Variants in CLPS observed in about 807,000 individuals in gnomAD.
CLPS encodes colipase, pancreatic.
A neutral mutation model predicts 9.3 loss-of-function variants in CLPS; 8 were observed. That is an observed-to-expected ratio of 0.86 (90% CI 0.51 to 1.56). CLPS has a LOEUF of 1.56. Among genes scored for constraint, CLPS ranks in the 40% most tolerant of loss-of-function variants. CLPS has a pLI of 0.00. For synonymous variants in CLPS, 61 were observed against 56.2 expected (o/e 1.09, Z -0.39); for missense variants, 144 against 145.7 (o/e 0.99, Z 0.06).
chr6:35,795,037 T>C lies in CLPS; in HGVS notation c.*109A>G. On this transcript the variant is annotated 3_prime_UTR_variant, in exon 3 of 3. Transcript: ENST00000259938. The stretch of plus-strand genomic sequence containing the variant: ...GAGCGCAATCAGAAAACAGATATGC[T>C]GGTCAAGGAGGTGGCCAGCCCGGGA... The C allele has an allele frequency of 7.0e-7, 1 of 1,437,978 alleles. No homozygotes were observed. The highest frequency in any genetic ancestry group is 1.4e-5 in the South Asian group (1 of 72,542). 89.1% of individuals were successfully genotyped at this position (1,437,978 alleles called of 1,614,324 possible).
At chr6:35,795,684 C>T (rs1768341730) in intron 2 of CLPS, 47 bp downstream of exon 2, 2 of 1,603,988 alleles carry the variant, frequency 1.2e-6, no homozygotes, top group Non-Finnish European at 1.7e-6. Context: ...TGTTCAGGGC[C>T]CTACTCCCCA....
intron 1 of CLPS, 66 bp from the exon 2 acceptor site, chr6:35,795,919 C>A (rs1479000433): frequency 6.3e-7 from 1 of 1,594,744 alleles, no homozygotes; most frequent in Admixed American, 1.7e-5. Context: ...CAGACCTGTA[C>A]CCACCACACA....
chr6:35,797,181 C>G (rs781156085), intron 1 of CLPS, 24 bp downstream of exon 1: 1 of 1,599,776 alleles, frequency 6.3e-7, no homozygotes, highest in African/African-American at 1.3e-5. Flanking sequence ...ACTCAGGAGG[C>G]GCCTCCCCTG....
chr6:35,795,959 G>T (rs1451696682), intron 1 of CLPS, 106 bp from the exon 2 acceptor site: 1 of 1,543,170 alleles, frequency 6.5e-7, no homozygotes, highest in Non-Finnish European at 8.8e-7. Context: ...CCCTGGTAGG[G>T]ATGTGTGTGA....
At chr6:35,797,091 T>C (rs1165145955) in intron 1 of CLPS, 114 bp downstream of exon 1, 1 of 956,248 alleles carries the variant, frequency 1.0e-6, no homozygotes, top group Admixed American at 2.1e-5. Flanking sequence ...GGATGCAAGA[T>C]GCCACTCCTC....
At chr6:35,795,450 T>G (rs1396648376) in intron 2 of CLPS, among the ~76,000 whole-genome samples, 173 bp from the exon 3 acceptor site, 1 of 152,220 alleles carries the variant, frequency 6.6e-6, no homozygotes, top group Non-Finnish European at 1.5e-5. Context: ...TGACCTCTGC[T>G]CTGGCTCATT....
chr6:35,795,985 G>A, intron 1 of CLPS, 132 bp from the exon 2 acceptor site: 3 of 1,425,352 alleles, frequency 2.1e-6, no homozygotes, highest in Middle Eastern at 1.8e-4. Context: ...TCCATCCCCT[G>A]GGTCTGGTGG....
chr6:35,795,653 C>A (rs1444572680), intron 2 of CLPS, 78 bp downstream of exon 2: 36 of 1,579,188 alleles, frequency 2.3e-5, no homozygotes, highest in African/African-American at 4.0e-5. Context: ...GCTGACCCCC[C>A]TCCCTGATCC....
chr6:35,795,063 G>A lies in CLPS; in HGVS notation c.*83C>T, dbSNP rs1165432233. 20 of 1,542,462 alleles carry A rather than the reference G, an allele frequency of 1.3e-5. No individual in the cohort carries two copies. The highest frequency in any genetic ancestry group is 1.9e-5 in the Admixed American group (1 of 52,468). The stretch of plus-strand genomic sequence containing the variant: ...GGTCAAGGAGGTGGCCAGCCCGGGA[G>A]ATGCGCTGGAGCAGGGGAGAGATGC... On this transcript the variant is annotated 3_prime_UTR_variant, in exon 3 of 3. Coordinates refer to ENST00000259938, the MANE Select transcript of CLPS (RefSeq NM_001832.4).
rs1312463071 is a variant in CLPS, at chr6:35,797,323, C to T, written c.-35G>A. On this transcript the variant is annotated 5_prime_UTR_variant, in exon 1 of 3. Transcript: ENST00000259938. ...GACAGCTGGTGTGGGTGGCGGGAGACAGAGCCAGCTGTGGTGATGGGGCTA... is the reference window on the plus strand; with the variant it reads ...GACAGCTGGTGTGGGTGGCGGGAGATAGAGCCAGCTGTGGTGATGGGGCTA... The T allele has an allele frequency of 3.1e-6, 5 of 1,599,064 alleles. No individual in the cohort carries two copies. Among genetic ancestry groups the T allele is most frequent in the Non-Finnish European group, 4.3e-6 (5 of 1,167,344 alleles).
At position 35,795,194 on chromosome 6, in the gene CLPS, G is replaced by A. The variant is rs770597798; in HGVS notation, c.291C>T (p.Thr97=). Residue 97 remains threonine, a synonymous_variant, in exon 3 of 3, where the codon ACC becomes ACT. Transcript: ENST00000259938. ...CATGGCAGATGCCAAAGTTGGTGTTGGTGATGGAGCCCACGATGGTCTTGT... is the reference window on the plus strand; with the variant it reads ...CATGGCAGATGCCAAAGTTGGTGTTAGTGATGGAGCCCACGATGGTCTTGT... ...EGDKTIVGSI[T]NTNFGICHDA... 6.2e-7 allele frequency: 1 copy of A among 1,614,232 alleles called. No homozygotes were observed. The highest frequency in any genetic ancestry group is 8.5e-7 in the Non-Finnish European group (1 of 1,180,038).
chr6:35,795,192 T>C lies in CLPS; in HGVS notation c.293A>G (p.Asn98Ser), dbSNP rs1439916319. The C allele has an allele frequency of 6.2e-7, 1 of 1,614,224 alleles. No homozygotes were observed. Among genetic ancestry groups the C allele is most frequent in the Non-Finnish European group, 8.5e-7 (1 of 1,180,026 alleles). Residue 98 changes from asparagine to serine, a missense_variant, in exon 3 of 3, where the codon AAC becomes AGC. Physicochemically the swap from Asn to Ser is conservative, Grantham distance 46 (BLOSUM62 1). Coordinates refer to ENST00000259938, the MANE Select transcript of CLPS (RefSeq NM_001832.4). ...GTCATGGCAGATGCCAAAGTTGGTG[T>C]TGGTGATGGAGCCCACGATGGTCTT... ...GDKTIVGSIT[N>S]TNFGICHDAG...
chr6:35,795,988 T>C, intron 1 of CLPS, 135 bp from the exon 2 acceptor site: 1 of 1,393,794 alleles, frequency 7.2e-7, no homozygotes, highest in Non-Finnish European at 9.8e-7. Context: ...ATCCCCTGGG[T>C]CTGGTGGCCT....
intron 2 of CLPS, 114 bp from the exon 3 acceptor site, chr6:35,795,391 C>T (rs1768332589): frequency 4.1e-6 from 6 of 1,454,018 alleles, no homozygotes; most frequent in Admixed American, 2.1e-5. Context: ...GGGAGTGCCT[C>T]TCCCACCTGC....
intron 1 of CLPS, chr6:35,796,903 C>T: frequency 6.6e-6 from 3 of 454,732 alleles, no homozygotes; most frequent in Non-Finnish European, 8.2e-6. Flanking sequence ...CACTACACTC[C>T]AGCCTGGTGA....
chr6:35,795,634 A>G (rs1458345293), intron 2 of CLPS, 97 bp downstream of exon 2: 1 of 1,551,052 alleles, frequency 6.4e-7, no homozygotes, highest in African/African-American at 1.4e-5. Flanking sequence ...CTCAACATTC[A>G]GTGTCCAGGC....
At position 35,795,034 on chromosome 6, in the gene CLPS, T is replaced by C. The variant is rs1217880651; in HGVS notation, c.*112A>G. The C allele has an allele frequency of 1.1e-5, 15 of 1,415,290 alleles. No homozygotes were observed. Among genetic ancestry groups the C allele is most frequent in the East Asian group, 4.8e-5 (2 of 42,010 alleles). 87.7% of individuals were successfully genotyped at this position (1,415,290 alleles called of 1,614,324 possible). On this transcript the variant is annotated 3_prime_UTR_variant, in exon 3 of 3. Transcript: ENST00000259938. ...GAAGAGCGCAATCAGAAAACAGATATGCTGGTCAAGGAGGTGGCCAGCCCG... is the reference window on the plus strand; with the variant it reads ...GAAGAGCGCAATCAGAAAACAGATACGCTGGTCAAGGAGGTGGCCAGCCCG...
chr6:35,796,947 G>GAAAAAAAAAGA (rs146242201), intron 1 of CLPS: 1 of 481,130 alleles, frequency 2.1e-6, no homozygotes, highest in African/African-American at 2.0e-5. Context: ...AGAAAAAAAA[G>GAAAAAAAAAGA]AAAAAAAAGG....
rs1295100322 is a variant in CLPS, at chr6:35,795,189, G to A, written c.296C>T (p.Thr99Ile). 4 of 1,614,112 alleles carry A rather than the reference G, an allele frequency of 2.5e-6. No homozygotes were observed. The African/African-American group carries it at 4.0e-5, about 16-fold the overall frequency. ...AGCGTCATGGCAGATGCCAAAGTTG[G>A]TGTTGGTGATGGAGCCCACGATGGT... ...DKTIVGSITN[T>I]NFGICHDAGR... Residue 99 changes from threonine (T) to isoleucine (I), a missense_variant, in exon 3 of 3, where the codon ACC becomes ATC. Transcript: ENST00000259938.
Sources: gnomAD v4.1 joint callset for allele counts (sites outside exome capture counted in the v4.1 genomes callset) on GRCh38, gnomAD v4.1.1 for gene constraint, MANE v1.5 for transcripts, NCBI Gene and HGNC (gene_info 2026-07-23, HGNC 2026-07-21) for gene names.